SUGCT: variants seen among roughly 807,000 people sequenced by gnomAD.
SUGCT encodes succinyl-CoA:glutarate CoA-transferase.
A neutral mutation model predicts 55.0 loss-of-function variants in SUGCT; 41 were observed. The ratio of observed to expected loss-of-function variants is 0.74; its 90% CI spans 0.58 to 0.97. The LOEUF is 0.97. SUGCT is among the 50% of genes least tolerant of loss of function. The probability of loss-of-function intolerance (pLI) is 0.00; values close to 1 mark genes in which losing one functional copy is unlikely to be tolerated. For missense variants in SUGCT, 568 were observed against 547.8 expected (o/e 1.04, Z -0.37); for synonymous variants, 187 against 200.4 (o/e 0.93, Z 0.56).
the SUGCT span, among the ~76,000 whole-genome samples, chr7:40,911,312 T>C: frequency 6.6e-6 from 1 of 152,198 alleles, no homozygotes; most frequent in East Asian, 1.9e-4. Flanking sequence ...GGAAATACTC[T>C]TCTGAACTTT....
intron 12 of SUGCT, among the ~76,000 whole-genome samples, chr7:40,596,569 T>C (rs1798017758): frequency 6.6e-6 from 1 of 152,174 alleles, no homozygotes; most frequent in Non-Finnish European, 1.5e-5. Context: ...AAAATATGAC[T>C]CTTCTCCTCC....
intron 11 of SUGCT, among the ~76,000 whole-genome samples, chr7:40,477,142 A>T (rs142358886): frequency 2.0e-5 from 3 of 152,354 alleles, no homozygotes; most frequent in African/African-American, 7.2e-5. Context: ...TATAGGAAAG[A>T]TAACATCCTC....
At chr7:40,495,627 A>G (rs1035742612) in intron 11 of SUGCT, among the ~76,000 whole-genome samples, 3 of 152,158 alleles carry the variant, frequency 2.0e-5, no homozygotes, top group East Asian at 1.9e-4. Context: ...CTTGAGACCT[A>G]TTAGAGAAAA....
At chr7:40,666,419 GTTTTTTTTTT>G (rs70990637) in intron 12 of SUGCT, among the ~76,000 whole-genome samples, 2 of 72,234 alleles carry the variant, frequency 2.8e-5, no homozygotes, top group Non-Finnish European at 4.9e-5. Context: ...TTATAGGTTA[GTTTTTTTTTT>G]TTTTTTTTTT....
chr7:41,022,821 T>A, the SUGCT span, among the ~76,000 whole-genome samples: 2 of 152,066 alleles, frequency 1.3e-5, no homozygotes, highest in Admixed American at 1.3e-4. Flanking sequence ...ATAAAAAAAA[T>A]AAGAGCAGGA....
At chr7:40,638,961 A>G (rs1400165820) in intron 12 of SUGCT, among the ~76,000 whole-genome samples, 2 of 152,238 alleles carry the variant, frequency 1.3e-5, no homozygotes, top group East Asian at 3.8e-4. Context: ...GAAATCAGAG[A>G]AACCAAAGAA....
chr7:40,230,914 A>G (rs1239128379), intron 6 of SUGCT, among the ~76,000 whole-genome samples: 1 of 152,192 alleles, frequency 6.6e-6, no homozygotes, highest in African/African-American at 2.4e-5. Context: ...TATAGTTGTA[A>G]AAAGGGGATA....
At chr7:40,637,297 T>C (rs1800060640) in intron 12 of SUGCT, among the ~76,000 whole-genome samples, 1 of 152,210 alleles carries the variant, frequency 6.6e-6, no homozygotes, top group Non-Finnish European at 1.5e-5. Flanking sequence ...TTGGTGAGAA[T>C]GTGCTAAGAC....
chr7:40,283,132 A>C (rs1311414582), intron 8 of SUGCT, among the ~76,000 whole-genome samples: 8 of 152,204 alleles, frequency 5.3e-5, no homozygotes, highest in Non-Finnish European at 1.2e-4. Flanking sequence ...TGCAAAGCAT[A>C]TATCTGATAA....
intron 12 of SUGCT, among the ~76,000 whole-genome samples, chr7:40,559,889 C>A (rs1210056977): frequency 6.6e-6 from 1 of 152,152 alleles, no homozygotes; most frequent in African/African-American, 2.4e-5. Flanking sequence ...TAAGTCTGTT[C>A]TGGAATAAGA....
chr7:40,822,480 A>T (rs1792074071), intron 13 of SUGCT, among the ~76,000 whole-genome samples: 1 of 152,170 alleles, frequency 6.6e-6, no homozygotes, highest in African/African-American at 2.4e-5. Context: ...TAGTATAGTT[A>T]GCTCTTCTTG....
intron 8 of SUGCT, among the ~76,000 whole-genome samples, chr7:40,299,116 C>T (rs905687975): frequency 2.8e-4 from 42 of 151,928 alleles, no homozygotes; most frequent in Admixed American, 2.3e-3. Context: ...ATTTTTTTCC[C>T]CATGTTATCA....
intron 7 of SUGCT, among the ~76,000 whole-genome samples, chr7:40,238,777 C>T (rs973934046): frequency 4.7e-5 from 7 of 148,678 alleles, no homozygotes; most frequent in African/African-American, 9.9e-5. Context: ...CTTTCATCTT[C>T]GTTTCATTTT....
chr7:40,186,269 C>G (rs1241600088), intron 3 of SUGCT, among the ~76,000 whole-genome samples: 1 of 119,042 alleles, frequency 8.4e-6, no homozygotes, highest in East Asian at 2.9e-4. Flanking sequence ...TCTTCTTTTT[C>G]TTTTCTTTTC....
intron 11 of SUGCT, among the ~76,000 whole-genome samples, chr7:40,487,454 G>T (rs1462837979): frequency 6.6e-6 from 1 of 151,476 alleles, no homozygotes; most frequent in African/African-American, 2.4e-5. Flanking sequence ...TATATGATCT[G>T]TCCTGGAGAA....
chr7:40,360,401 A>T lies in SUGCT; in HGVS notation c.816+43546A>T, dbSNP rs191966718. 2.0e-3 allele frequency among the ~76,000 whole-genome samples: 299 copies of T among 152,328 alleles called. 12 individuals carry two copies. The South Asian group carries it at 0.059, about 30-fold the overall frequency. On this transcript the variant is annotated intron_variant, in intron 9 of 13. Coordinates refer to ENST00000335693, the MANE Select transcript of SUGCT (RefSeq NM_001193313.2). ...GCAAATTTCATTGAGATTTGTGAAGAAGGAATACAATTCATTCATTGATTT... is the reference window on the plus strand; with the variant it reads ...GCAAATTTCATTGAGATTTGTGAAGTAGGAATACAATTCATTCATTGATTT...
intron 12 of SUGCT, among the ~76,000 whole-genome samples, chr7:40,582,136 G>A (rs963353685): frequency 2.6e-5 from 4 of 152,026 alleles, no homozygotes; most frequent in African/African-American, 7.2e-5. Flanking sequence ...AAAAGTCACC[G>A]AGAGAGATTA....
chr7:40,295,105 A>G (rs1307329398), intron 8 of SUGCT, among the ~76,000 whole-genome samples: 5 of 152,228 alleles, frequency 3.3e-5, no homozygotes, highest in Admixed American at 3.3e-4. Flanking sequence ...TATGACTGTA[A>G]AAGTATGGAG....
intron 9 of SUGCT, among the ~76,000 whole-genome samples, chr7:40,414,515 A>T (rs1786860969): frequency 1.3e-5 from 2 of 152,136 alleles, no homozygotes; most frequent in African/African-American, 4.8e-5. Context: ...TATTTCCAAA[A>T]ATAGCAGTCA....
Sources: allele counts gnomAD v4.1 joint callset (sites outside exome capture counted in the v4.1 genomes callset), GRCh38; gene constraint gnomAD v4.1.1; transcripts MANE v1.5; gene names NCBI Gene and HGNC (gene_info 2026-07-23, HGNC 2026-07-21).